KIF5C: variants seen among roughly 807,000 people sequenced by gnomAD.
The protein encoded by KIF5C is kinesin family member 5C, also known as kinesin heavy chain isoform 5C.
A neutral mutation model predicts 125.2 loss-of-function variants in KIF5C; 18 were observed. The ratio of observed to expected loss-of-function variants is 0.14; its 90% confidence interval spans 0.10 to 0.21. The LOEUF (loss-of-function observed/expected upper bound fraction) is 0.21. Ranked by LOEUF, KIF5C falls within the 10% of genes least tolerant of loss-of-function variation. The probability of loss-of-function intolerance (pLI) is 1.00; values close to 1 mark genes in which losing one functional copy is unlikely to be tolerated. For synonymous variants in KIF5C, 405 were observed against 434.0 expected, an observed-to-expected ratio of 0.93 and a Z score of 0.83; for missense variants, 780 against 1,183.8, an observed-to-expected ratio of 0.66 and a Z score of 5.01.
intron 21 of KIF5C, among the ~76,000 whole-genome samples, chr2:149,003,504 C>A (rs1405508643): frequency 2.0e-5 from 3 of 152,218 alleles, no homozygotes; most frequent in African/African-American, 7.2e-5. Context: ...CTGGTCCCAC[C>A]CTTGCTGTCC....
intron 16 of KIF5C, 97 bp downstream of exon 16, chr2:148,991,295 T>A: frequency 6.8e-7 from 1 of 1,468,530 alleles, no homozygotes. Flanking sequence ...TAGGCTTAGT[T>A]GAGGGACTGC....
intron 1 of KIF5C, among the ~76,000 whole-genome samples, chr2:148,917,175 T>C (rs909845041): frequency 6.6e-6 from 1 of 152,188 alleles, no homozygotes; most frequent in South Asian, 2.1e-4. Context: ...CTTCTTCCCA[T>C]ATCTTCAGTT....
At chr2:148,900,406 T>C (rs959117461) in intron 1 of KIF5C, among the ~76,000 whole-genome samples, 2 of 152,218 alleles carry the variant, frequency 1.3e-5, no homozygotes, top group African/African-American at 4.8e-5. Flanking sequence ...GGCCTCTGAT[T>C]TGTTTTCAAA....
intron 1 of KIF5C, among the ~76,000 whole-genome samples, chr2:148,902,761 C>CA (rs1317825591): frequency 2.1e-4 from 32 of 152,302 alleles, no homozygotes; most frequent in African/African-American, 7.7e-4. Context: ...AAGAGCATTT[C>CA]ACATTGGTTA....
intron 1 of KIF5C, among the ~76,000 whole-genome samples, chr2:148,890,138 T>C (rs771563677): frequency 1.3e-5 from 2 of 152,216 alleles, no homozygotes; most frequent in Admixed American, 1.3e-4. Flanking sequence ...TTACCTATAC[T>C]GCTGTTATAC....
chr2:148,940,384 G>C (rs1682381310), intron 4 of KIF5C, among the ~76,000 whole-genome samples: 1 of 152,212 alleles, frequency 6.6e-6, no homozygotes, highest in Non-Finnish European at 1.5e-5. Flanking sequence ...GATACAGGCA[G>C]CCAGGAGAGA....
At chr2:148,936,991 A>G (rs1314520706) in intron 3 of KIF5C, among the ~76,000 whole-genome samples, 8 of 152,090 alleles carry the variant, frequency 5.3e-5, no homozygotes, top group Admixed American at 3.9e-4. Flanking sequence ...CACACTAGCC[A>G]CATAGACTCT....
chr2:148,914,589 C>T (rs1681470267), intron 1 of KIF5C, among the ~76,000 whole-genome samples: 1 of 152,228 alleles, frequency 6.6e-6, no homozygotes, highest in Admixed American at 6.5e-5. Context: ...TGCCTTTGTT[C>T]CTTCTCAATA....
chr2:148,896,359 G>C (rs1681844345), intron 1 of KIF5C, among the ~76,000 whole-genome samples: 1 of 152,210 alleles, frequency 6.6e-6, no homozygotes. Flanking sequence ...TTTTCCTGGG[G>C]AGGAGTGGAC....
At chr2:148,905,254 C>G (rs1681060658) in intron 1 of KIF5C, among the ~76,000 whole-genome samples, 1 of 151,934 alleles carries the variant, frequency 6.6e-6, no homozygotes. Flanking sequence ...TGTGATGGTG[C>G]CACCCAAATC....
At chr2:148,978,623 C>G (rs1681144386) in intron 12 of KIF5C, among the ~76,000 whole-genome samples, 3 of 152,148 alleles carry the variant, frequency 2.0e-5, no homozygotes, top group Non-Finnish European at 4.4e-5. Flanking sequence ...AGGGATATCT[C>G]TAACGTCCCT....
At chr2:148,975,966 G>A (rs557172988) in intron 12 of KIF5C, among the ~76,000 whole-genome samples, 37 of 152,270 alleles carry the variant, frequency 2.4e-4, no homozygotes, top group African/African-American at 8.7e-4. Flanking sequence ...ACTTCCGTGT[G>A]TGGTGTGGAA....
At chr2:149,006,398 C>A (rs919258925) in intron 22 of KIF5C, among the ~76,000 whole-genome samples, 2 of 152,058 alleles carry the variant, frequency 1.3e-5, no homozygotes, top group African/African-American at 4.8e-5. Context: ...TTGGAAGGAT[C>A]GGCAGGGAAA....
intron 21 of KIF5C, among the ~76,000 whole-genome samples, chr2:149,003,475 G>T (rs1351437261): frequency 6.6e-6 from 1 of 152,246 alleles, no homozygotes; most frequent in Non-Finnish European, 1.5e-5. Flanking sequence ...GCGTTGATGA[G>T]ACTTGTATTC....
At chr2:148,949,991 C>T in intron 9 of KIF5C, 48 bp downstream of exon 9, 3 of 1,572,564 alleles carry the variant, frequency 1.9e-6, no homozygotes, top group Non-Finnish European at 2.6e-6. Context: ...GAGAAACCAC[C>T]TTTTGGGGCC....
At chr2:148,922,997 T>C (rs1209967822) in intron 2 of KIF5C, among the ~76,000 whole-genome samples, 1 of 152,234 alleles carries the variant, frequency 6.6e-6, no homozygotes, top group East Asian at 1.9e-4. Context: ...AAGCTTGCAT[T>C]GGCAGGCTTG....
intron 10 of KIF5C, among the ~76,000 whole-genome samples, chr2:148,955,630 C>T (rs532566462): frequency 2.8e-4 from 42 of 151,798 alleles, no homozygotes; most frequent in African/African-American, 9.2e-4. Flanking sequence ...TTTATATATA[C>T]AATAGGATAT....
At position 148,942,770 on chromosome 2, in the gene KIF5C, G is replaced by T. The variant is rs1469568840; in HGVS notation, c.589+10G>T. 2 of 1,605,144 alleles carry T rather than the reference G, an allele frequency of 1.2e-6. No individual in the cohort carries two copies. The highest frequency in any genetic ancestry group is 1.7e-6 in the Non-Finnish European group (2 of 1,175,920). On this transcript the variant is annotated intron_variant, in intron 7 of 25. Transcript: ENST00000435030. ...CACGTGGCTGTGACAAGTAAGCATG[G>T]TGGGGGTGTTTCCTCCCCTGCAGCT...
rs559856789 is a variant in KIF5C at position 148,891,892 on chromosome 2, T to G, written c.126+16149T>G. Among the ~76,000 whole-genome samples, 48 of 152,270 alleles carry G rather than the reference T, an allele frequency of 3.2e-4. 1 individual carries two copies. Among genetic ancestry groups the G allele is most frequent in the Admixed American group, 1.7e-3 (26 of 15,292 alleles). On this transcript the variant is annotated intron_variant, in intron 1 of 25. Coordinates refer to ENST00000435030, the MANE Select transcript of KIF5C (RefSeq NM_004522.3). ...TTTGTATTTTTAGTAGAGGTGGGGT[T>G]TCACCATGTTGGTCAGGCTGGTCTC...
Sources: gnomAD v4.1 joint callset for allele counts (sites outside exome capture counted in the v4.1 genomes callset) on GRCh38, gnomAD v4.1.1 for gene constraint, MANE v1.5 for transcripts, NCBI Gene and HGNC (gene_info 2026-07-23, HGNC 2026-07-21) for gene names.